The following ARL15 variants were observed in gnomAD, a reference collection of about 807,000 sequenced individuals.
The protein encoded by ARL15 is ARF like GTPase 15, also known as ADP-ribosylation factor-like protein 15.
In ARL15, 19 loss-of-function variants were observed where a neutral mutation model predicts 25.2. The ratio of observed to expected loss-of-function variants is 0.75; its 90% CI spans 0.53 to 1.10. The LOEUF (loss-of-function observed/expected upper bound fraction) is 1.10. ARL15 is among the 50% of genes least tolerant of loss of function. The probability of loss-of-function intolerance (pLI) is 0.00; values close to 1 mark genes in which losing one functional copy is unlikely to be tolerated. For synonymous variants in ARL15, 94 were observed against 86.8 expected (o/e 1.08, Z -0.46); for missense variants, 220 against 246.0 (o/e 0.89, Z 0.71).
intron 4 of ARL15, among the ~76,000 whole-genome samples, chr5:54,029,312 C>CACCACCACCACCACCACT (rs1749888533): frequency 8.6e-6 from 1 of 115,950 alleles, no homozygotes; most frequent in Admixed American, 8.7e-5. Context: ...CAGTTACCAC[C>CACCACCACCACCACCACT]ACCACCACCA....
At position 54,230,531 on chromosome 5, in the gene ARL15, A is replaced by AAT. The variant is rs1414417548; in HGVS notation, c.49-58605_49-58604dup. Among the ~76,000 whole-genome samples, 4 of 151,946 alleles carry AAT rather than the reference A, an allele frequency of 2.6e-5. No individual in the cohort carries two copies. In the South Asian group the frequency reaches 6.3e-4, roughly 24 times the overall value. On this transcript the variant is annotated intron_variant, in intron 1 of 4. Coordinates refer to ENST00000504924, the MANE Select transcript of ARL15 (RefSeq NM_019087.3). Reference sequence around the variant, plus strand: ...TCAAATGCCATGGGACTACGTCAAAAATATATATATATCTTTCCAATGAAC... The same window carrying AAT: ...TCAAATGCCATGGGACTACGTCAAAAATATATATATATATCTTTCCAATGAAC...
intron 4 of ARL15, among the ~76,000 whole-genome samples, chr5:54,018,809 T>C (rs1254967146): frequency 6.6e-6 from 1 of 152,200 alleles, no homozygotes; most frequent in East Asian, 1.9e-4. Context: ...TAGCCTTAAC[T>C]TGGGGAAGAG....
chr5:53,943,015 A>T (rs1007907296), intron 4 of ARL15, among the ~76,000 whole-genome samples: 5 of 152,108 alleles, frequency 3.3e-5, no homozygotes, highest in African/African-American at 1.2e-4. Flanking sequence ...AAATGGAGGC[A>T]ACAAAGAGAC....
At chr5:53,971,894 AT>A (rs1435476934) in intron 4 of ARL15, among the ~76,000 whole-genome samples, 6 of 152,168 alleles carry the variant, frequency 3.9e-5, no homozygotes, top group African/African-American at 1.4e-4. Flanking sequence ...TGCAATGTTC[AT>A]TTTCCCAAAT....
intron 1 of ARL15, among the ~76,000 whole-genome samples, chr5:54,213,077 GC>G (rs1181881687): frequency 2.2e-4 from 33 of 152,212 alleles, no homozygotes; most frequent in African/African-American, 7.9e-4. Flanking sequence ...AAATAGTAAT[GC>G]CCAAATCACA....
chr5:54,116,115 C>T (rs1752891476), intron 3 of ARL15, among the ~76,000 whole-genome samples: 2 of 152,296 alleles, frequency 1.3e-5, no homozygotes, highest in South Asian at 4.1e-4. Flanking sequence ...GGCAAGGGAG[C>T]TGAGCTATTA....
intron 4 of ARL15, among the ~76,000 whole-genome samples, chr5:53,956,004 G>C (rs144454597): frequency 2.6e-5 from 4 of 151,976 alleles, no homozygotes; most frequent in African/African-American, 7.3e-5. Context: ...TGTTGTTGTC[G>C]TTGTTTTGAG....
At chr5:54,284,202 C>T (rs116456712) in intron 1 of ARL15, among the ~76,000 whole-genome samples, 1 of 152,158 alleles carries the variant, frequency 6.6e-6, no homozygotes, top group Non-Finnish European at 1.5e-5. Context: ...ATCCTGGGCT[C>T]AAGTGATCCT....
intron 1 of ARL15, among the ~76,000 whole-genome samples, chr5:54,209,369 G>A (rs1755969799): frequency 6.6e-6 from 1 of 151,872 alleles, no homozygotes; most frequent in Non-Finnish European, 1.5e-5. Context: ...AAATACAGTA[G>A]TTGAAATGGA....
At chr5:54,076,230 T>C (rs554736277) in intron 4 of ARL15, among the ~76,000 whole-genome samples, 3 of 149,996 alleles carry the variant, frequency 2.0e-5, no homozygotes, top group Non-Finnish European at 4.5e-5. Context: ...TCCTGGCTAA[T>C]ACAGTGAAAC....
At chr5:54,036,769 T>C (rs766466092) in intron 4 of ARL15, among the ~76,000 whole-genome samples, 6 of 152,168 alleles carry the variant, frequency 3.9e-5, no homozygotes. Flanking sequence ...ATGTATTTTG[T>C]CATGAGAAAT....
At chr5:53,962,924 A>G (rs1446441314) in intron 4 of ARL15, among the ~76,000 whole-genome samples, 1 of 152,116 alleles carries the variant, frequency 6.6e-6, no homozygotes, top group Non-Finnish European at 1.5e-5. Flanking sequence ...TTTACAAGTT[A>G]TGTGACTTCA....
chr5:53,886,455 AAT>A lies in ARL15; in HGVS notation c.*104_*105del. 10 of 1,246,974 alleles carry A rather than the reference AAT, an allele frequency of 8.0e-6. No individual in the cohort carries two copies. The highest frequency in any genetic ancestry group is 1.1e-5 in the Non-Finnish European group (10 of 918,830). 77.2% of individuals were successfully genotyped at this position (1,246,974 alleles called of 1,614,324 possible). A position where few individuals can be genotyped will look rare whatever the true frequency, so the allele number is the denominator to read the frequency against. ...TGAGAGTCTGAAATGACCAGAGGAA[AAT>A]AGATACTGAAGCCAATATAGTCTTG... is the stretch of plus-strand genomic sequence containing the variant. On this transcript the variant is annotated 3_prime_UTR_variant, in exon 5 of 5. Coordinates refer to ENST00000504924, the MANE Select transcript of ARL15 (RefSeq NM_019087.3).
chr5:54,287,533 G>C (rs74865118), intron 1 of ARL15, among the ~76,000 whole-genome samples: 200 of 151,438 alleles, frequency 1.3e-3, no homozygotes, highest in African/African-American at 4.5e-3. Flanking sequence ...CCCATAATGC[G>C]CAAGCATCTG....
At chr5:53,997,090 A>C (rs1748706027) in intron 4 of ARL15, among the ~76,000 whole-genome samples, 1 of 152,178 alleles carries the variant, frequency 6.6e-6, no homozygotes, top group Non-Finnish European at 1.5e-5. Flanking sequence ...CCATTTGACA[A>C]ATTTATGCTG....
chr5:54,197,754 C>T (rs962772086), intron 1 of ARL15, among the ~76,000 whole-genome samples: 3 of 152,026 alleles, frequency 2.0e-5, no homozygotes, highest in Non-Finnish European at 4.4e-5. Context: ...TGAAACTATT[C>T]CAATCAATAG....
At chr5:53,994,562 A>G (rs1748608276) in intron 4 of ARL15, among the ~76,000 whole-genome samples, 1 of 152,186 alleles carries the variant, frequency 6.6e-6, no homozygotes, top group African/African-American at 2.4e-5. Context: ...ACTTAGACAC[A>G]TTTAAACTGG....
At chr5:54,253,862 T>C (rs1368186120) in intron 1 of ARL15, among the ~76,000 whole-genome samples, 3 of 152,186 alleles carry the variant, frequency 2.0e-5, no homozygotes, top group African/African-American at 7.2e-5. Flanking sequence ...AGTGCTGGGA[T>C]AACAGGCATT....
At position 54,113,255 on chromosome 5, in the gene ARL15, A is replaced by G; in HGVS notation, c.409T>C (p.Phe137Leu). The change falls in exon 4 of 5, where the codon TTT (phenylalanine) becomes CTT (leucine). Residue 137 changes from phenylalanine (F) to leucine (L), a missense_variant. Coordinates refer to ENST00000504924, the MANE Select transcript of ARL15 (RefSeq NM_019087.3). The part of the protein sequence containing the change: ...LQHPQLCTLP[F>L]LILANHQDKP... ...TCTTGATGATTGGCCAATATTAAAA[A>G]GGGTAAAGTGCATAACTGTGGATGC... 1 of 1,613,924 alleles carries G rather than the reference A, an allele frequency of 6.2e-7. No homozygotes were observed. Among genetic ancestry groups the G allele is most frequent in the Non-Finnish European group, 8.5e-7 (1 of 1,179,866 alleles).
Sources: allele counts gnomAD v4.1 joint callset (sites outside exome capture counted in the v4.1 genomes callset), GRCh38; gene constraint gnomAD v4.1.1; transcripts MANE v1.5; gene names NCBI Gene and HGNC (gene_info 2026-07-23, HGNC 2026-07-21).